Variants in PRKRIP1 observed in about 807,000 individuals in gnomAD.
The protein encoded by PRKRIP1 is PRKR-interacting protein 1.
In PRKRIP1, 29 loss-of-function variants were observed where a neutral mutation model predicts 29.3. The observed-to-expected ratio is 0.99, with a 90% CI of 0.74 to 1.35. The LOEUF is 1.35. PRKRIP1 is among the 40% of genes most tolerant of loss of function. The probability of loss-of-function intolerance (pLI) is 0.00; values close to 1 mark genes in which losing one functional copy is unlikely to be tolerated. For synonymous variants in PRKRIP1, 90 were observed against 85.1 expected (o/e 1.06, Z -0.32); for missense variants, 247 against 236.8 (o/e 1.04, Z -0.28).
chr7:102,399,060 T>C (rs1230671743), intron 2 of PRKRIP1, among the ~76,000 whole-genome samples: 1 of 152,110 alleles, frequency 6.6e-6, no homozygotes, highest in Non-Finnish European at 1.5e-5. Flanking sequence ...AGGTTGAGGC[T>C]CCAATGAGCT....
At chr7:102,401,625 C>T (rs183480503) in intron 3 of PRKRIP1, among the ~76,000 whole-genome samples, 8 of 152,212 alleles carry the variant, frequency 5.3e-5, no homozygotes, top group African/African-American at 9.6e-5. Context: ...CCCAGCTACT[C>T]GGGAGGCTGA....
At position 102,426,507 on chromosome 7, in the gene PRKRIP1, C is replaced by T. The variant is rs1554574474; in HGVS notation, c.*1396C>T. On this transcript the variant is annotated 3_prime_UTR_variant, in exon 6 of 6. Coordinates refer to ENST00000397912, the MANE Select transcript of PRKRIP1 (RefSeq NM_024653.4). ...GGAAACCCAGAAACATTTTACGTTG[C>T]TTTTACTTCTGTAGTGTAGATTGCC... 6 of 152,634 alleles carry T rather than the reference C, an allele frequency of 3.9e-5. No individual in the cohort carries two copies. 9.5% of individuals were successfully genotyped at this position (152,634 alleles called of 1,614,324 possible). A position where few individuals can be genotyped will look rare whatever the true frequency, so the allele number is the denominator to read the frequency against.
chr7:102,410,510 A>C lies in PRKRIP1; in HGVS notation c.457+3012A>C, dbSNP rs868922007. Among the ~76,000 whole-genome samples, 15 of 152,264 alleles carry C rather than the reference A, an allele frequency of 9.9e-5. No individual in the cohort carries two copies. In the South Asian group the frequency reaches 1.0e-3, roughly 11 times the overall value. ...CAGTACCCTGGGAGTGGAACTTCCA[A>C]CAGCTCCCAACCCAGTCAGCCTCCT... On this transcript the variant is annotated intron_variant, in intron 5 of 5. Transcript: ENST00000397912.
chr7:102,407,647 T>C lies in PRKRIP1; in HGVS notation c.457+149T>C, dbSNP rs1012635858. On this transcript the variant is annotated intron_variant, in intron 5 of 5. Coordinates refer to ENST00000397912, the MANE Select transcript of PRKRIP1 (RefSeq NM_024653.4). ...GCTTATTCATATTAGCTAGGACCCA[T>C]TGAATTGCAAGTATCAGAAAACCAA... 2.2e-5 allele frequency: 14 copies of C among 636,374 alleles called. No individual in the cohort carries two copies. The Admixed American group carries it at 2.6e-4, about 12-fold the overall frequency. The allele number at this position is 636,374 out of a possible 1,614,324, so 39.4% of individuals were successfully genotyped here.
Position 102,422,978 on chromosome 7 carries a change from T to A in PRKRIP1, c.458-2036T>A, listed in dbSNP as rs1225391374. On this transcript the variant is annotated intron_variant, in intron 5 of 5. Transcript: ENST00000397912. ...GGTCCCGAGCATTTTGGATAAGGGA[T>A]CTGCAGCCCATACTGCATTTTCAAA... is the stretch of plus-strand genomic sequence containing the variant. 9 of 315,736 alleles carry A rather than the reference T, an allele frequency of 2.9e-5. 1 individual carries two copies. The highest frequency in any genetic ancestry group is 2.0e-4 in the African/African-American group (9 of 45,742). The allele number at this position is 315,736 out of a possible 1,614,324, so 19.6% of individuals were successfully genotyped here.
At chr7:102,422,487 G>A (rs1312595537) in intron 5 of PRKRIP1, among the ~76,000 whole-genome samples, 1 of 151,954 alleles carries the variant, frequency 6.6e-6, no homozygotes, top group Admixed American at 6.6e-5. Context: ...GGGATTACAG[G>A]TGCACCACCA....
chr7:102,419,780 C>T (rs1796642173), intron 5 of PRKRIP1, among the ~76,000 whole-genome samples: 1 of 151,834 alleles, frequency 6.6e-6, no homozygotes, highest in South Asian at 2.1e-4. Flanking sequence ...CTGGTTGTAT[C>T]CAAGTTTTGG....
At chr7:102,414,038 G>C (rs1796467692) in intron 5 of PRKRIP1, among the ~76,000 whole-genome samples, 1 of 152,160 alleles carries the variant, frequency 6.6e-6, no homozygotes, top group South Asian at 2.1e-4. Context: ...GACCAGCCCA[G>C]CCAACATGGT....
intron 5 of PRKRIP1, among the ~76,000 whole-genome samples, chr7:102,413,364 C>T (rs995238604): frequency 6.6e-6 from 1 of 152,220 alleles, no homozygotes; most frequent in African/African-American, 2.4e-5. Context: ...AATCCTTCAA[C>T]ATAATATGTT....
intron 5 of PRKRIP1, among the ~76,000 whole-genome samples, chr7:102,423,888 C>T (rs1421763109): frequency 6.6e-6 from 1 of 152,156 alleles, no homozygotes; most frequent in Non-Finnish European, 1.5e-5. Flanking sequence ...TCTTGAACTC[C>T]TGGGCTCAAG....
intron 3 of PRKRIP1, among the ~76,000 whole-genome samples, chr7:102,402,800 C>T (rs1052767332): frequency 6.6e-6 from 1 of 152,272 alleles, no homozygotes; most frequent in South Asian, 2.1e-4. Flanking sequence ...CTGCCAGGTG[C>T]GGCAGCCAGC....
intron 5 of PRKRIP1, among the ~76,000 whole-genome samples, chr7:102,410,480 A>G (rs1796352005): frequency 6.6e-6 from 1 of 152,190 alleles, no homozygotes; most frequent in Non-Finnish European, 1.5e-5. Context: ...CAGGTCAACT[A>G]GGGCCAGTAC....
chr7:102,400,471 T>A (rs889415708), intron 3 of PRKRIP1, among the ~76,000 whole-genome samples: 3 of 152,140 alleles, frequency 2.0e-5, no homozygotes, highest in African/African-American at 7.2e-5. Context: ...TTGTGTAATT[T>A]CATTTATATG....
intron 5 of PRKRIP1, among the ~76,000 whole-genome samples, chr7:102,417,696 G>A (rs1554573300): frequency 1.4e-5 from 2 of 143,482 alleles, no homozygotes; most frequent in Admixed American, 7.5e-5. Context: ...ATAGCTCACT[G>A]CATCCTCAAA....
At chr7:102,410,018 TG>T (rs1355315785) in intron 5 of PRKRIP1, among the ~76,000 whole-genome samples, 1 of 152,174 alleles carries the variant, frequency 6.6e-6, no homozygotes, top group East Asian at 1.9e-4. Context: ...TCAGCTTAGT[TG>T]GTCAGTGGAA....
chr7:102,396,598 T>G, intron 1 of PRKRIP1, 61 bp downstream of exon 1: 1 of 1,550,288 alleles, frequency 6.5e-7, no homozygotes, highest in Non-Finnish European at 8.7e-7. Context: ...CTGCAGCGCT[T>G]CAGGGTTCCC....
At chr7:102,415,653 TTAAC>T (rs1554573002) in intron 5 of PRKRIP1, among the ~76,000 whole-genome samples, 2 of 152,264 alleles carry the variant, frequency 1.3e-5, no homozygotes, top group African/African-American at 4.8e-5. Flanking sequence ...TTTGCTTGTA[TTAAC>T]TAACAATCCT....
chr7:102,424,164 T>C (rs532719901), intron 5 of PRKRIP1, among the ~76,000 whole-genome samples: 59 of 152,390 alleles, frequency 3.9e-4, no homozygotes, highest in African/African-American at 1.4e-3. Context: ...GGCCTCCTGC[T>C]TAGAGGCCCT....
chr7:102,418,606 T>C (rs1376309906), intron 5 of PRKRIP1, among the ~76,000 whole-genome samples: 1 of 152,190 alleles, frequency 6.6e-6, no homozygotes, highest in African/African-American at 2.4e-5. Context: ...TAGCTCATTC[T>C]AGCCTTCTCT....
Sources: gnomAD v4.1 joint callset for allele counts (sites outside exome capture counted in the v4.1 genomes callset) on GRCh38, gnomAD v4.1.1 for gene constraint, MANE v1.5 for transcripts, NCBI Gene and HGNC (gene_info 2026-07-23, HGNC 2026-07-21) for gene names.